PCDH9: variants seen among roughly 807,000 people sequenced by gnomAD.
PCDH9 encodes protocadherin-9.
Under a neutral mutation model 70.6 loss-of-function variants are expected in PCDH9, and 24 were observed. The observed-to-expected ratio is 0.34, with a 90% CI of 0.25 to 0.48. The LOEUF (loss-of-function observed/expected upper bound fraction) is 0.48, where lower values mean the gene tolerates loss of function less well. PCDH9 is among the 20% of genes least tolerant of loss of function. The probability of loss-of-function intolerance (pLI) is 0.99; values close to 1 mark genes in which losing one functional copy is unlikely to be tolerated. For missense variants in PCDH9, 1,281 were observed against 1,503.6 expected (o/e 0.85, Z 2.45); for synonymous variants, 562 against 558.5 (o/e 1.01, Z -0.09).
chr13:66,406,533 T>C (rs1055664433), intron 4 of PCDH9, among the ~76,000 whole-genome samples: 4 of 152,218 alleles, frequency 2.6e-5, no homozygotes, highest in African/African-American at 9.6e-5. Context: ...AAAAAAGTGA[T>C]TATGATCTGT....
intron 2 of PCDH9, among the ~76,000 whole-genome samples, chr13:66,981,968 T>G (rs570848337): frequency 6.6e-6 from 1 of 152,296 alleles, no homozygotes; most frequent in East Asian, 1.9e-4. Flanking sequence ...CGCCCAAATC[T>G]CATGTTGAAT....
At chr13:66,711,988 G>C (rs9571633) in intron 3 of PCDH9, among the ~76,000 whole-genome samples, 1 of 152,108 alleles carries the variant, frequency 6.6e-6, no homozygotes, top group Non-Finnish European at 1.5e-5. Context: ...AGCTCATGAA[G>C]TTCTTTTTCT....
chr13:66,576,458 T>C (rs1052193840), intron 4 of PCDH9, among the ~76,000 whole-genome samples: 2 of 152,096 alleles, frequency 1.3e-5, no homozygotes, highest in South Asian at 2.1e-4. Context: ...TTGTTAAAGA[T>C]AGCATTCACA....
At chr13:66,981,494 T>G (rs1033522178) in intron 2 of PCDH9, among the ~76,000 whole-genome samples, 2 of 150,708 alleles carry the variant, frequency 1.3e-5, no homozygotes, top group Non-Finnish European at 3.0e-5. Flanking sequence ...CTAAAAAAAG[T>G]ACTTGAGCAG....
At chr13:66,629,629 G>A (rs2077543743) in intron 4 of PCDH9, among the ~76,000 whole-genome samples, 1 of 152,200 alleles carries the variant, frequency 6.6e-6, no homozygotes, top group South Asian at 2.1e-4. Flanking sequence ...TTCTCGATAT[G>A]TGAAATCAAA....
chr13:66,741,679 G>T (rs2079265643), intron 3 of PCDH9, among the ~76,000 whole-genome samples: 1 of 33,530 alleles, frequency 3.0e-5, no homozygotes, highest in Non-Finnish European at 7.1e-5. Flanking sequence ...AAAATCACAA[G>T]CATTCTTATA....
intron 2 of PCDH9, among the ~76,000 whole-genome samples, chr13:66,938,076 T>C (rs2082946457): frequency 6.6e-6 from 1 of 152,194 alleles, no homozygotes; most frequent in African/African-American, 2.4e-5. Context: ...GTTCATTCCC[T>C]ATGGTTCAGA....
chr13:67,038,361 T>G (rs2085048720), intron 2 of PCDH9, among the ~76,000 whole-genome samples: 1 of 152,164 alleles, frequency 6.6e-6, no homozygotes, highest in African/African-American at 2.4e-5. Flanking sequence ...AAAGATATTT[T>G]AAGATCACTA....
Position 66,713,623 on chromosome 13 carries a change from GTGTATATATATA to G in PCDH9, c.3139-82224_3139-82213del, listed in dbSNP as rs1410228763. Among the ~76,000 whole-genome samples, 139 of 93,014 alleles carry G rather than the reference GTGTATATATATA, an allele frequency of 1.5e-3. 2 individuals carry two copies. Among genetic ancestry groups the G allele is most frequent in the Middle Eastern group, 6.3e-3 (1 of 158 alleles). The allele number at this position is 93,014 out of a possible 152,430, so 61.0% of individuals were successfully genotyped here. ...GTATATATATATAAAGTGTGTGTGTGTGTATATATATATATATATATATATATATAATGTACA... is the reference window on the plus strand; with the variant it reads ...GTATATATATATAAAGTGTGTGTGTGTATATATATATATATATAATGTACA... On this transcript the variant is annotated intron_variant, in intron 3 of 4. Coordinates refer to ENST00000377865, the MANE Select transcript of PCDH9 (RefSeq NM_203487.3).
chr13:66,974,099 G>A lies in PCDH9; in HGVS notation c.3037-70494C>T, dbSNP rs890583444. 6.6e-5 allele frequency among the ~76,000 whole-genome samples: 10 copies of A among 152,050 alleles called. 1 individual carries two copies. Among genetic ancestry groups the A allele is most frequent in the South Asian group, 2.1e-4 (1 of 4,824 alleles). On this transcript the variant is annotated intron_variant, in intron 2 of 4. Coordinates refer to ENST00000377865, the MANE Select transcript of PCDH9 (RefSeq NM_203487.3). The stretch of plus-strand genomic sequence containing the variant: ...CCCTCAGCATACCTTACAAAGCTGC[G>A]CATGACCACAATGACCTTCGTGATG...
At chr13:67,204,886 G>C (rs1046722699) in intron 2 of PCDH9, 6 of 152,156 alleles carry the variant, frequency 3.9e-5, no homozygotes, top group African/African-American at 7.2e-5. Context: ...TCAGAAGACT[G>C]TAAACCTATA....
At chr13:66,969,563 T>C (rs1317446386) in intron 2 of PCDH9, among the ~76,000 whole-genome samples, 3 of 152,052 alleles carry the variant, frequency 2.0e-5, no homozygotes, top group Non-Finnish European at 4.4e-5. Context: ...TGCCCAGCAC[T>C]TTCTGCATAA....
chr13:66,379,639 G>T (rs1956808240), intron 4 of PCDH9, among the ~76,000 whole-genome samples: 1 of 152,090 alleles, frequency 6.6e-6, no homozygotes, highest in South Asian at 2.1e-4. Flanking sequence ...GAGCCAAAGA[G>T]GCAGGGTATC....
At chr13:66,646,158 A>G (rs2077768556) in intron 3 of PCDH9, among the ~76,000 whole-genome samples, 1 of 152,226 alleles carries the variant, frequency 6.6e-6, no homozygotes, top group Non-Finnish European at 1.5e-5. Context: ...AAGCTTCTAG[A>G]GTTCTCTTAT....
At chr13:66,376,153 G>C (rs1185489758) in intron 4 of PCDH9, among the ~76,000 whole-genome samples, 1 of 152,092 alleles carries the variant, frequency 6.6e-6, no homozygotes, top group African/African-American at 2.4e-5. Context: ...AGTTGAGTGA[G>C]AGAACCTAGC....
intron 4 of PCDH9, among the ~76,000 whole-genome samples, chr13:66,585,224 T>C (rs2076946831): frequency 6.6e-6 from 1 of 152,122 alleles, no homozygotes; most frequent in East Asian, 1.9e-4. Context: ...ATTATTTTTC[T>C]GAAGAGAATT....
intron 3 of PCDH9, among the ~76,000 whole-genome samples, chr13:66,730,876 G>GTGTGTTTTTTTTTTTTTTTTTTTTTT (rs1555262846): frequency 4.3e-5 from 2 of 46,358 alleles, no homozygotes; most frequent in African/African-American, 1.5e-4. Flanking sequence ...GTGTGTGTGT[G>GTGTGTTTTTTTTTTTTTTTTTTTTTT]TTTTTTTTTT....
intron 3 of PCDH9, among the ~76,000 whole-genome samples, chr13:66,664,801 T>C (rs774757078): frequency 6.6e-6 from 1 of 152,094 alleles, no homozygotes; most frequent in Non-Finnish European, 1.5e-5. Flanking sequence ...CTTTACCTTT[T>C]GTTTAGGCAC....
intron 2 of PCDH9, among the ~76,000 whole-genome samples, chr13:67,057,817 A>G (rs2085452962): frequency 6.6e-6 from 1 of 152,168 alleles, no homozygotes; most frequent in Admixed American, 6.6e-5. Flanking sequence ...AGGTCAATCA[A>G]TACACTTGAC....
Sources: allele counts gnomAD v4.1 joint callset (sites outside exome capture counted in the v4.1 genomes callset), GRCh38; gene constraint gnomAD v4.1.1; transcripts MANE v1.5; gene names NCBI Gene and HGNC (gene_info 2026-07-23, HGNC 2026-07-21).